Variants in ENTREP2 observed in about 807,000 individuals in gnomAD.
ENTREP2 encodes the protein endosomal transmembrane epsin interactor 2.
At chr15:29,546,906 A>C in the ENTREP2 span, among the ~76,000 whole-genome samples, 3 of 125,202 alleles carry the variant, frequency 2.4e-5, no homozygotes, top group African/African-American at 6.1e-5. Flanking sequence ...AACAACAACA[A>C]AAAAAAAAAC....
chr15:29,545,530 A>G, the ENTREP2 span, among the ~76,000 whole-genome samples: 27 of 152,246 alleles, frequency 1.8e-4, no homozygotes, highest in Non-Finnish European at 3.2e-4. Context: ...CACTGGGTAG[A>G]TATTTTATGA....
the ENTREP2 span, among the ~76,000 whole-genome samples, chr15:29,417,143 G>A: frequency 3.3e-5 from 5 of 152,130 alleles, no homozygotes; most frequent in South Asian, 2.1e-4. Context: ...TCCCATTACT[G>A]GGTATATACC....
the ENTREP2 span, among the ~76,000 whole-genome samples, chr15:29,286,700 G>A: frequency 5.3e-5 from 8 of 152,304 alleles, no homozygotes; most frequent in East Asian, 1.4e-3. Flanking sequence ...CACTGACTAG[G>A]GATGACAGGA....
At chr15:29,139,407 A>C in the ENTREP2 span, among the ~76,000 whole-genome samples, 1 of 152,254 alleles carries the variant, frequency 6.6e-6, no homozygotes, top group African/African-American at 2.4e-5. Context: ...GTCAGTCCTG[A>C]TGCCTGCTGC....
At chr15:29,628,060 T>C in the ENTREP2 span, among the ~76,000 whole-genome samples, 1 of 152,204 alleles carries the variant, frequency 6.6e-6, no homozygotes, top group Admixed American at 6.5e-5. Context: ...CAACTCAAAC[T>C]GTTTTCCACA....
chr15:29,286,713 G>A, the ENTREP2 span, among the ~76,000 whole-genome samples: 8 of 152,218 alleles, frequency 5.3e-5, no homozygotes, highest in Non-Finnish European at 7.3e-5. Flanking sequence ...TGACAGGAAA[G>A]GCTCAGCAGC....
At chr15:29,612,897 G>A in the ENTREP2 span, 1 of 152,232 alleles carries the variant, frequency 6.6e-6, no homozygotes, top group African/African-American at 2.4e-5. Flanking sequence ...ACAGCTTGCT[G>A]AAATTCCCTC....
the ENTREP2 span, chr15:29,570,687 C>A: frequency 1.2e-5 from 14 of 1,164,340 alleles, no homozygotes; most frequent in Non-Finnish European, 1.5e-5. Flanking sequence ...GGCAGCGCGG[C>A]GGGACGCGGC....
chr15:29,137,530 T>G, the ENTREP2 span, among the ~76,000 whole-genome samples: 16 of 152,282 alleles, frequency 1.1e-4, no homozygotes, highest in African/African-American at 3.8e-4. Context: ...CTGCCTGACG[T>G]GCGTGGTTTA....
At chr15:29,436,319 G>A in the ENTREP2 span, among the ~76,000 whole-genome samples, 3 of 152,324 alleles carry the variant, frequency 2.0e-5, no homozygotes, top group South Asian at 6.2e-4. Context: ...TCCCATCGCT[G>A]AGGAAGCGCC....
chr15:29,287,043 C>T, the ENTREP2 span, among the ~76,000 whole-genome samples: 1 of 152,170 alleles, frequency 6.6e-6, no homozygotes, highest in Non-Finnish European at 1.5e-5. Context: ...AAGATGGCAC[C>T]AGCCCATTCA....
the ENTREP2 span, among the ~76,000 whole-genome samples, chr15:29,551,693 TA>T: frequency 0.37 from 53,392 of 144,014 alleles, 9,670 homozygotes; most frequent in East Asian, 0.42. Context: ...AATGCCTATT[TA>T]AAAAAAAAAA....
At chr15:29,246,742 GA>G in the ENTREP2 span, among the ~76,000 whole-genome samples, 1 of 151,908 alleles carries the variant, frequency 6.6e-6, no homozygotes, top group Non-Finnish European at 1.5e-5. Flanking sequence ...TTTAGCAAAA[GA>G]CTAGAAACAT....
the ENTREP2 span, among the ~76,000 whole-genome samples, chr15:29,575,737 A>T: frequency 6.6e-6 from 1 of 152,210 alleles, no homozygotes; most frequent in East Asian, 1.9e-4. Flanking sequence ...GAAAAGGAAA[A>T]CAATAAGACA....
chr15:29,423,310 T>A, the ENTREP2 span, among the ~76,000 whole-genome samples: 1 of 152,102 alleles, frequency 6.6e-6, no homozygotes, highest in East Asian at 1.9e-4. Flanking sequence ...AAGTTAGGGT[T>A]TTTTTCCTTC....
At chr15:29,278,565 T>C in the ENTREP2 span, among the ~76,000 whole-genome samples, 270 of 152,320 alleles carry the variant, frequency 1.8e-3, no homozygotes, top group Middle Eastern at 0.02. Flanking sequence ...TCAAAAGGCA[T>C]GTAGACAGTG....
the ENTREP2 span, among the ~76,000 whole-genome samples, chr15:29,406,006 C>T: frequency 2.6e-5 from 4 of 152,296 alleles, no homozygotes; most frequent in Non-Finnish European, 4.4e-5. Context: ...ACGGCTTCTC[C>T]TCTAACTCCT....
At chr15:29,158,623 G>C in the ENTREP2 span, among the ~76,000 whole-genome samples, 4 of 152,022 alleles carry the variant, frequency 2.6e-5, no homozygotes, top group Admixed American at 1.3e-4. Context: ...TGTTGGCTAG[G>C]CTATCTCTGC....
the ENTREP2 span, among the ~76,000 whole-genome samples, chr15:29,312,334 CA>C: frequency 0.22 from 31,894 of 143,180 alleles, 6,294 homozygotes; most frequent in African/African-American, 0.53. Context: ...AAACAAGCAC[CA>C]AAAAAAAAAA....
Sources: allele counts gnomAD v4.1 joint callset (sites outside exome capture counted in the v4.1 genomes callset), GRCh38; gene constraint gnomAD v4.1.1; transcripts MANE v1.5; gene names NCBI Gene and HGNC (gene_info 2026-07-23, HGNC 2026-07-21).